Variants in ARHGEF37 observed in about 807,000 individuals in gnomAD.
ARHGEF37 encodes Rho guanine nucleotide exchange factor (GEF) 37.
In ARHGEF37, 55 loss-of-function variants were observed where a neutral mutation model predicts 71.1. The ratio of observed to expected loss-of-function variants is 0.77; its 90% CI spans 0.62 to 0.97. The LOEUF (loss-of-function observed/expected upper bound fraction) is 0.97. ARHGEF37 is among the 50% of genes least tolerant of loss of function. The probability of loss-of-function intolerance (pLI) is 0.00; values close to 1 mark genes in which losing one functional copy is unlikely to be tolerated. For missense variants in ARHGEF37, 765 were observed against 836.8 expected (o/e 0.91, Z 1.06); for synonymous variants, 327 against 350.6 (o/e 0.93, Z 0.75).
chr5:149,579,428 C>T (rs1561786328), upstream of ARHGEF37, among the ~76,000 whole-genome samples: 1 of 152,100 alleles, frequency 6.6e-6, no homozygotes, highest in Non-Finnish European at 1.5e-5. Context: ...TTAGAATAGA[C>T]AAAATATCAA....
At chr5:149,631,118 TTC>T (rs1405086025) in intron 12 of ARHGEF37, among the ~76,000 whole-genome samples, 4 of 150,360 alleles carry the variant, frequency 2.7e-5, no homozygotes, top group African/African-American at 4.9e-5. Flanking sequence ...CAATTTATTT[TTC>T]TTTCTTTCTT....
upstream of ARHGEF37, among the ~76,000 whole-genome samples, chr5:149,580,907 C>G (rs961630978): frequency 1.3e-5 from 2 of 152,148 alleles, no homozygotes; most frequent in Non-Finnish European, 2.9e-5. Context: ...TAGTGTCTTG[C>G]ACAGGAGCCC....
chr5:149,554,843 G>A (rs562117823), intron 1 of ARHGEF37, among the ~76,000 whole-genome samples: 1 of 152,060 alleles, frequency 6.6e-6, no homozygotes, highest in South Asian at 2.1e-4. Flanking sequence ...AATGAAAGGA[G>A]TCTTTTAGGC....
intron 12 of ARHGEF37, among the ~76,000 whole-genome samples, chr5:149,630,652 G>C (rs1752853714): frequency 3.9e-5 from 6 of 152,150 alleles, no homozygotes; most frequent in Admixed American, 3.9e-4. Flanking sequence ...CTCTGCCCCG[G>C]TGCCTCTGGG....
At position 149,621,719 on chromosome 5, in the gene ARHGEF37, A is replaced by G. The variant is rs1226780822; in HGVS notation, c.1006-14A>G. On this transcript the variant is annotated splice_polypyrimidine_tract_variant and intron_variant, in intron 8 of 12. Transcript: ENST00000333677. ...ACCTCCTTTCCCGACTCCCACGCTCATGTCTCCCCACAGAAGCAACGGCTA... is the reference window on the plus strand; with the variant it reads ...ACCTCCTTTCCCGACTCCCACGCTCGTGTCTCCCCACAGAAGCAACGGCTA... The G allele has an allele frequency of 1.2e-6, 2 of 1,601,814 alleles. No homozygotes were observed. Among genetic ancestry groups the G allele is most frequent in the Non-Finnish European group, 1.7e-6 (2 of 1,172,778 alleles).
upstream of ARHGEF37, among the ~76,000 whole-genome samples, chr5:149,580,401 C>G (rs1397274313): frequency 2.6e-5 from 4 of 152,126 alleles, no homozygotes; most frequent in Non-Finnish European, 5.9e-5. Context: ...CACCCCTCTC[C>G]CCTTCAGTTG....
intron 1 of ARHGEF37, among the ~76,000 whole-genome samples, chr5:149,570,367 A>T (rs1375593833): frequency 6.6e-6 from 1 of 151,394 alleles, no homozygotes. Flanking sequence ...TGAGGTCAGG[A>T]GTTTGAGACC....
rs549928158 is a variant in ARHGEF37 at position 149,554,832 on chromosome 5, T to C, written c.-12+2709T>C. Among the ~76,000 whole-genome samples, 37 of 152,132 alleles carry C rather than the reference T, an allele frequency of 2.4e-4. No homozygotes were observed. The East Asian group carries it at 7.0e-3, about 29-fold the overall frequency. On this transcript the variant is annotated intron_variant, in intron 1 of 2. Transcript: ENST00000505810. ...TATTGAATCAGCAGCAGCTTTGGTGTAATGAAAGGAGTCTTTTAGGCCAGG... is the reference window on the plus strand; with the variant it reads ...TATTGAATCAGCAGCAGCTTTGGTGCAATGAAAGGAGTCTTTTAGGCCAGG...
At chr5:149,588,243 A>G (rs922097219) in intron 1 of ARHGEF37, among the ~76,000 whole-genome samples, 9 of 150,648 alleles carry the variant, frequency 6.0e-5, no homozygotes, top group African/African-American at 1.5e-4. Context: ...TTGAGACAGA[A>G]TCTTGCTCTG....
chr5:149,598,779 T>TATATAG (rs1325304262), intron 2 of ARHGEF37, among the ~76,000 whole-genome samples: 1 of 81,994 alleles, frequency 1.2e-5, no homozygotes. Flanking sequence ...TAGATATAGA[T>TATATAG]ATATAGATAT....
chr5:149,597,830 A>G lies in ARHGEF37; in HGVS notation c.61A>G (p.Arg21Gly), dbSNP rs1763591709. ...GTCAGGGAGTCCGGACAGGGAAGGT[A>G]GGGCCTCTGAGGACAGATCGCTGCT... ...SRSGSPDREG[R>G]ASEDRSLLHQ... is the part of the protein sequence containing the mutation. Residue 21 changes from arginine to glycine, a missense_variant, in exon 2 of 13, where the codon AGG (arginine) becomes GGG (glycine). Coordinates refer to ENST00000333677, the MANE Select transcript of ARHGEF37 (RefSeq NM_001001669.3). 6.2e-7 allele frequency: 1 copy of G among 1,604,274 alleles called. No individual in the cohort carries two copies. The highest frequency in any genetic ancestry group is 1.3e-5 in the African/African-American group (1 of 74,300).
chr5:149,624,292 G>C (rs959042072), intron 10 of ARHGEF37, 152 bp downstream of exon 10: 3 of 1,104,860 alleles, frequency 2.7e-6, no homozygotes, highest in Non-Finnish European at 3.7e-6. Flanking sequence ...CTTTCTATTT[G>C]AGCTGGGGTG....
chr5:149,630,433 G>A (rs995529899), intron 12 of ARHGEF37, among the ~76,000 whole-genome samples: 23 of 152,288 alleles, frequency 1.5e-4, no homozygotes, highest in African/African-American at 4.1e-4. Context: ...GGACAGAATC[G>A]GATGCCTCGG....
chr5:149,599,424 C>T (rs1392654392), intron 2 of ARHGEF37, among the ~76,000 whole-genome samples: 1 of 48,134 alleles, frequency 2.1e-5, no homozygotes, highest in Non-Finnish European at 3.3e-5. Flanking sequence ...CCAGGAAAGC[C>T]CAAGGCAAAC....
In ARHGEF37 at chr5:149,621,915, G is replaced by A. The variant is rs754929712; in HGVS notation, c.1188G>A (p.Gln396=). The A allele has an allele frequency of 6.2e-7, 1 of 1,614,230 alleles. No homozygotes were observed. Among genetic ancestry groups the A allele is most frequent in the Non-Finnish European group, 8.5e-7 (1 of 1,180,044 alleles). ...AGGAGGCCGCCCGGCACACATACCA[G>A]GCACTCAACTCGCTGCTAGTGGCTG... is the stretch of plus-strand genomic sequence containing the variant. ...YQEEAARHTY[Q]ALNSLLVAEL... The change falls in exon 9 of 13, where the codon CAG becomes CAA. Residue 396 remains glutamine (Q), a synonymous_variant. Coordinates refer to ENST00000333677, the MANE Select transcript of ARHGEF37 (RefSeq NM_001001669.3).
intron 1 of ARHGEF37, among the ~76,000 whole-genome samples, chr5:149,561,004 G>A (rs1348842625): frequency 2.6e-5 from 4 of 152,200 alleles, no homozygotes; most frequent in Admixed American, 6.5e-5. Flanking sequence ...GCCAGGTGCA[G>A]TGGCTCACGC....
chr5:149,600,146 C>T (rs1763709926), intron 2 of ARHGEF37, among the ~76,000 whole-genome samples: 1 of 152,082 alleles, frequency 6.6e-6, no homozygotes, highest in Non-Finnish European at 1.5e-5. Flanking sequence ...GCAAATGCAG[C>T]ACAATAGTAT....
At chr5:149,563,551 A>G (rs1164176468) in intron 1 of ARHGEF37, among the ~76,000 whole-genome samples, 1 of 152,210 alleles carries the variant, frequency 6.6e-6, no homozygotes, top group African/African-American at 2.4e-5. Context: ...GATATAGGAT[A>G]TGTGAGAGCA....
Position 149,627,363 on chromosome 5 carries a change from G to T in ARHGEF37, c.1660+92G>T, listed in dbSNP as rs1179663098. 9.2e-6 allele frequency: 13 copies of T among 1,420,068 alleles called. No homozygotes were observed. In the South Asian group the frequency reaches 1.7e-4, roughly 19 times the overall value. 88.0% of individuals were successfully genotyped at this position (1,420,068 alleles called of 1,614,324 possible). A position where few individuals can be genotyped will look rare whatever the true frequency, so the allele number is the denominator to read the frequency against. ...GACCCGGGCACTCTTGTGGGTCAAA[G>T]TCTGGCTGGGCATTCCAGGATGGGA... On this transcript the variant is annotated intron_variant, in intron 11 of 12. Transcript: ENST00000333677.
Sources: allele counts gnomAD v4.1 joint callset (sites outside exome capture counted in the v4.1 genomes callset), GRCh38; gene constraint gnomAD v4.1.1; transcripts MANE v1.5; gene names NCBI Gene and HGNC (gene_info 2026-07-23, HGNC 2026-07-21).